The following MPHOSPH6 variants were observed in gnomAD, a reference collection of about 807,000 sequenced individuals.
The protein encoded by MPHOSPH6 is M-phase phosphoprotein 6.
In MPHOSPH6, 25 loss-of-function variants were observed where a neutral mutation model predicts 21.8. The observed-to-expected ratio is 1.15, with a 90% CI of 0.83 to 1.60. The LOEUF (loss-of-function observed/expected upper bound fraction) is 1.60. Ranked by LOEUF, MPHOSPH6 falls within the 40% of genes most tolerant of loss-of-function variation. The pLI is 0.00. For missense variants in MPHOSPH6, 269 were observed against 181.8 expected (o/e 1.48, Z -2.76); for synonymous variants, 84 against 56.5 (o/e 1.49, Z -2.18).
Position 82,163,699 on chromosome 16 carries a change from A to C in MPHOSPH6, c.164+383T>G, listed in dbSNP as rs149987647. Among the ~76,000 whole-genome samples the C allele has an allele frequency of 1.4e-4, 21 of 152,378 alleles. No individual in the cohort carries two copies. The East Asian group carries it at 4.0e-3, about 29-fold the overall frequency. ...GAAACAAAAACTTCTGACCTGCCTTAAAATGCTCAACCTAATGAACTCTGT... is the reference window on the plus strand; with the variant it reads ...GAAACAAAAACTTCTGACCTGCCTTCAAATGCTCAACCTAATGAACTCTGT... On this transcript the variant is annotated intron_variant, in intron 2 of 4. Coordinates refer to ENST00000258169, the MANE Select transcript of MPHOSPH6 (RefSeq NM_005792.2).
intron 2 of MPHOSPH6, among the ~76,000 whole-genome samples, chr16:82,155,902 C>T (rs1156859606): frequency 2.1e-5 from 3 of 143,024 alleles, no homozygotes; most frequent in African/African-American, 8.1e-5. Context: ...GACACTCTGT[C>T]TCAAAAAAAA....
intron 1 of MPHOSPH6, 74 bp downstream of exon 1, chr16:82,170,051 C>CGCCTCG (rs746148418): frequency 1.3e-5 from 19 of 1,501,920 alleles, no homozygotes; most frequent in Non-Finnish European, 1.7e-5. Context: ...GTCCGCCCGC[C>CGCCTCG]GCCTCGGCCC....
chr16:82,150,258 A>G (rs973389847), intron 3 of MPHOSPH6, among the ~76,000 whole-genome samples: 1 of 152,002 alleles, frequency 6.6e-6, no homozygotes, highest in Non-Finnish European at 1.5e-5. Context: ...CAGCAGACAT[A>G]CTTTGGAATG....
rs985988404 is a variant in MPHOSPH6 at position 82,170,037 on chromosome 16, C to T, written c.51+88G>A. On this transcript the variant is annotated intron_variant, in intron 1 of 4. Coordinates refer to ENST00000258169, the MANE Select transcript of MPHOSPH6 (RefSeq NM_005792.2). ...AGCCCTCTGAGGCCTCTCTGGTGTCCCTTGTCCGCCCGCCGCCTCGGCCCC... is the reference window on the plus strand; with the variant it reads ...AGCCCTCTGAGGCCTCTCTGGTGTCTCTTGTCCGCCCGCCGCCTCGGCCCC... The T allele has an allele frequency of 7.0e-6, 10 of 1,435,312 alleles. 1 individual carries two copies. The highest frequency in any genetic ancestry group is 1.3e-5 in the South Asian group (1 of 77,392). 88.9% of individuals were successfully genotyped at this position (1,435,312 alleles called of 1,614,324 possible).
At position 82,148,490 on chromosome 16, in the gene MPHOSPH6, C is replaced by G; in HGVS notation, c.*241G>C. ...TAAAAAAAATCTTTAGGAAGCAGCC[C>G]TGTAACAATGTACATTTGTAGATCA... On this transcript the variant is annotated 3_prime_UTR_variant, in exon 5 of 5. Coordinates refer to ENST00000258169, the MANE Select transcript of MPHOSPH6 (RefSeq NM_005792.2). 2.5e-6 allele frequency: 1 copy of G among 407,470 alleles called. No homozygotes were observed. The highest frequency in any genetic ancestry group is 4.2e-6 in the Non-Finnish European group (1 of 237,382). The allele number at this position is 407,470 out of a possible 1,614,324, so 25.2% of individuals were successfully genotyped here.
chr16:82,152,539 C>G (rs545329914), intron 2 of MPHOSPH6, among the ~76,000 whole-genome samples: 1 of 152,256 alleles, frequency 6.6e-6, no homozygotes, highest in African/African-American at 2.4e-5. Flanking sequence ...CTGTACTGGG[C>G]ATCTCAGAAT....
intron 2 of MPHOSPH6, among the ~76,000 whole-genome samples, chr16:82,156,256 G>C (rs1182333180): frequency 6.6e-6 from 1 of 152,098 alleles, no homozygotes. Flanking sequence ...ATGTATGTAA[G>C]TTTTGTCTCA....
chr16:82,154,192 G>A (rs137977899), intron 2 of MPHOSPH6, among the ~76,000 whole-genome samples: 1 of 152,192 alleles, frequency 6.6e-6, no homozygotes, highest in South Asian at 2.1e-4. Context: ...GCAAGGAAAT[G>A]TTTGAGTTCT....
chr16:82,168,095 C>G lies in MPHOSPH6; in HGVS notation c.51+2030G>C, dbSNP rs542173526. 4.7e-4 allele frequency among the ~76,000 whole-genome samples: 71 copies of G among 151,372 alleles called. 2 individuals carry two copies. The highest frequency in any genetic ancestry group is 1.1e-3 in the South Asian group (5 of 4,734). On this transcript the variant is annotated intron_variant, in intron 1 of 4. Transcript: ENST00000258169. The stretch of plus-strand genomic sequence containing the variant: ...TTTCCTTCTCCTTTGCTTCCAACGT[C>G]CAGTTGAGTCTCCCCATTTGGTGGG...
At chr16:82,160,727 G>C (rs149619862) in intron 2 of MPHOSPH6, among the ~76,000 whole-genome samples, 2,162 of 152,296 alleles carry the variant, frequency 0.014, 53 homozygotes, top group African/African-American at 0.05. Flanking sequence ...GGGGACAAAA[G>C]AGAAATGACG....
rs117495174 is a variant in MPHOSPH6, at chr16:82,168,713, T to C, written c.51+1412A>G. 6.0e-4 allele frequency among the ~76,000 whole-genome samples: 91 copies of C among 152,276 alleles called. 2 individuals are homozygous for C. The East Asian group carries it at 0.013, about 23-fold the overall frequency. ...TCTCAAACACCTGGGCTTAAGCGAT[T>C]TGTCTACCTCAGCCTCTCAAAGTGC... On this transcript the variant is annotated intron_variant, in intron 1 of 4. Transcript: ENST00000258169.
intron 1 of MPHOSPH6, among the ~76,000 whole-genome samples, chr16:82,168,049 A>C (rs1281262504): frequency 6.6e-6 from 1 of 152,194 alleles, no homozygotes; most frequent in Non-Finnish European, 1.5e-5. Flanking sequence ...GCTAAACCAA[A>C]TAGAGAATGT....
chr16:82,156,392 T>G (rs114373575), intron 2 of MPHOSPH6, among the ~76,000 whole-genome samples: 12 of 152,058 alleles, frequency 7.9e-5, no homozygotes, highest in Non-Finnish European at 2.9e-5. Flanking sequence ...GGATGGGGGA[T>G]GAACAAATAT....
At chr16:82,154,256 G>C (rs1349444583) in intron 2 of MPHOSPH6, among the ~76,000 whole-genome samples, 1 of 152,176 alleles carries the variant, frequency 6.6e-6, no homozygotes, top group African/African-American at 2.4e-5. Flanking sequence ...TTAGTAGAAA[G>C]GCCACACCTT....
intron 2 of MPHOSPH6, among the ~76,000 whole-genome samples, chr16:82,162,985 T>C (rs978578610): frequency 6.6e-6 from 1 of 152,134 alleles, no homozygotes. Context: ...GGTCCCTTCC[T>C]CCCTGTGACC....
intron 2 of MPHOSPH6, among the ~76,000 whole-genome samples, chr16:82,157,518 C>CGTG (rs1906465593): frequency 6.6e-6 from 1 of 152,146 alleles, no homozygotes; most frequent in Non-Finnish European, 1.5e-5. Context: ...AAGATCTTTA[C>CGTG]GTGATGATGG....
chr16:82,162,004 C>G (rs953866655), intron 2 of MPHOSPH6, among the ~76,000 whole-genome samples: 8 of 152,166 alleles, frequency 5.3e-5, no homozygotes, highest in African/African-American at 9.7e-5. Context: ...AAAGGATACA[C>G]AAACATAAGT....
intron 2 of MPHOSPH6, among the ~76,000 whole-genome samples, chr16:82,156,854 T>C (rs1906443669): frequency 6.6e-6 from 1 of 152,044 alleles, no homozygotes; most frequent in African/African-American, 2.4e-5. Flanking sequence ...TCACCTGAGA[T>C]CAGGAGTTCA....
chr16:82,149,221 G>T, intron 4 of MPHOSPH6, 88 bp downstream of exon 4: 1 of 1,345,604 alleles, frequency 7.4e-7, no homozygotes, highest in Non-Finnish European at 1.1e-6. Context: ...CTTGAAAGCT[G>T]CCGTGCACTG....
Sources: allele counts gnomAD v4.1 joint callset (sites outside exome capture counted in the v4.1 genomes callset), GRCh38; gene constraint gnomAD v4.1.1; transcripts MANE v1.5; gene names NCBI Gene and HGNC (gene_info 2026-07-23, HGNC 2026-07-21).